The following RANBP17 variants were observed in gnomAD, a reference collection of about 807,000 sequenced individuals.
RANBP17 encodes the protein RAN binding protein 17.
A neutral mutation model predicts 141.2 loss-of-function variants in RANBP17; 158 were observed. The ratio of observed to expected loss-of-function variants is 1.12; its 90% CI spans 0.98 to 1.28. The LOEUF is 1.28. Ranked by LOEUF, RANBP17 falls within the 50% of genes most tolerant of loss-of-function variation. The probability of loss-of-function intolerance (pLI) is 0.00; values close to 1 mark genes in which losing one functional copy is unlikely to be tolerated. For synonymous variants in RANBP17, 430 were observed against 450.0 expected (o/e 0.96, Z 0.56); for missense variants, 1,438 against 1,290.7 (o/e 1.11, Z -1.75).
intron 24 of RANBP17, among the ~76,000 whole-genome samples, chr5:171,248,033 G>T (rs189900610): frequency 6.6e-6 from 1 of 152,084 alleles, no homozygotes; most frequent in African/African-American, 2.4e-5. Flanking sequence ...CTTATACCTC[G>T]AATAGAACAT....
At chr5:171,171,167 A>G (rs1177216678) in intron 15 of RANBP17, 39 bp from the exon 16 acceptor site, 1 of 1,123,862 alleles carries the variant, frequency 8.9e-7, no homozygotes, top group African/African-American at 1.6e-5. Flanking sequence ...AGACAAGCAA[A>G]TATCTTACTT....
rs567911162 is a variant in RANBP17, at chr5:171,098,668, T to G, written c.1711-71462T>G. Reference sequence around the variant, plus strand: ...TAAATCCCATTTGTCAATTTTGGCTTTTGTTGCAATTGCTTTTGGTGTTTT... The same window carrying G: ...TAAATCCCATTTGTCAATTTTGGCTGTTGTTGCAATTGCTTTTGGTGTTTT... On this transcript the variant is annotated intron_variant, in intron 14 of 27. Transcript: ENST00000523189. 3.0e-4 allele frequency among the ~76,000 whole-genome samples: 45 copies of G among 152,276 alleles called. 1 individual carries two copies. Among genetic ancestry groups the G allele is most frequent in the African/African-American group, 1.1e-3 (45 of 41,558 alleles).
At chr5:171,213,067 G>A (rs1471025825) in intron 20 of RANBP17, among the ~76,000 whole-genome samples, 2 of 152,048 alleles carry the variant, frequency 1.3e-5, no homozygotes, top group African/African-American at 4.8e-5. Flanking sequence ...GATATTCCTT[G>A]GAGCTACAGT....
At chr5:171,153,561 T>C (rs1022214412) in intron 14 of RANBP17, among the ~76,000 whole-genome samples, 2 of 152,102 alleles carry the variant, frequency 1.3e-5, no homozygotes, top group Non-Finnish European at 2.9e-5. Flanking sequence ...ACTGGGAACA[T>C]ATTGGAAGAT....
At chr5:171,228,459 G>A (rs980845860) in intron 22 of RANBP17, among the ~76,000 whole-genome samples, 2 of 152,190 alleles carry the variant, frequency 1.3e-5, no homozygotes, top group African/African-American at 4.8e-5. Context: ...TCTTCTGGAT[G>A]ACCAAAGAAA....
intron 11 of RANBP17, among the ~76,000 whole-genome samples, chr5:170,919,864 T>C (rs79019584): frequency 0.03 from 4,592 of 151,824 alleles, 227 homozygotes; most frequent in African/African-American, 0.1. Context: ...ATCTGTTTTG[T>C]GTACCTGTAA....
intron 12 of RANBP17, among the ~76,000 whole-genome samples, chr5:170,950,266 C>T (rs755238828): frequency 6.6e-6 from 1 of 151,912 alleles, no homozygotes; most frequent in Non-Finnish European, 1.5e-5. Context: ...AAAGCCCCTT[C>T]ACAGCAAAGG....
intron 1 of RANBP17, among the ~76,000 whole-genome samples, chr5:170,869,139 G>A (rs899914881): frequency 5.9e-5 from 9 of 151,966 alleles, no homozygotes; most frequent in Non-Finnish European, 2.9e-5. Context: ...AGAGTGATTG[G>A]TAACATTGTT....
In RANBP17 at chr5:171,032,390, A is replaced by G. The variant is rs1781602000; in HGVS notation, c.1710+64013A>G. The stretch of plus-strand genomic sequence containing the variant: ...TAGTTTTCATTACAGTTTGGAATAA[A>G]GAGGACAGGGAGTAATTGATTGCTT... On this transcript the variant is annotated intron_variant, in intron 14 of 27. Coordinates refer to ENST00000523189, the MANE Select transcript of RANBP17 (RefSeq NM_022897.5). 2.0e-5 allele frequency among the ~76,000 whole-genome samples: 3 copies of G among 152,178 alleles called. No homozygotes were observed. The South Asian group carries it at 6.2e-4, about 32-fold the overall frequency.
chr5:171,180,825 G>A (rs956352090), intron 16 of RANBP17, among the ~76,000 whole-genome samples: 3 of 152,156 alleles, frequency 2.0e-5, no homozygotes, highest in Non-Finnish European at 4.4e-5. Context: ...TGCAGAAAAT[G>A]TGTCTTTGAC....
intron 14 of RANBP17, among the ~76,000 whole-genome samples, chr5:171,016,431 T>C (rs967627902): frequency 6.6e-6 from 1 of 152,106 alleles, no homozygotes; most frequent in African/African-American, 2.4e-5. Flanking sequence ...TGCTGACTTC[T>C]CTTTAGACCA....
chr5:171,174,118 G>A (rs2127892808), intron 16 of RANBP17, among the ~76,000 whole-genome samples: 1 of 152,246 alleles, frequency 6.6e-6, no homozygotes, highest in Non-Finnish European at 1.5e-5. Flanking sequence ...TTAAAATCCA[G>A]TGACCTTTTT....
chr5:171,193,238 A>C (rs1298442107), intron 18 of RANBP17, among the ~76,000 whole-genome samples: 1 of 152,226 alleles, frequency 6.6e-6, no homozygotes, highest in East Asian at 1.9e-4. Flanking sequence ...AAAACATTCT[A>C]ATTGCATCCT....
At chr5:170,862,101 G>T in intron 1 of RANBP17, 50 bp downstream of exon 1, 1 of 1,428,322 alleles carries the variant, frequency 7.0e-7, no homozygotes, top group Non-Finnish European at 9.1e-7. Context: ...CTGGGAACCC[G>T]GCGGGACGCG....
intron 14 of RANBP17, among the ~76,000 whole-genome samples, chr5:171,154,980 A>G (rs1262051361): frequency 6.6e-6 from 1 of 151,114 alleles, no homozygotes; most frequent in Admixed American, 6.6e-5. Flanking sequence ...CGGGAGGCTG[A>G]GACAGGAGAA....
At chr5:171,045,169 T>C (rs1782494963) in intron 14 of RANBP17, among the ~76,000 whole-genome samples, 1 of 152,114 alleles carries the variant, frequency 6.6e-6, no homozygotes, top group Non-Finnish European at 1.5e-5. Flanking sequence ...GTAATGCTTA[T>C]ATTGTTCTCT....
intron 20 of RANBP17, among the ~76,000 whole-genome samples, chr5:171,211,019 A>G (rs981979937): frequency 6.7e-6 from 1 of 150,086 alleles, no homozygotes; most frequent in African/African-American, 2.5e-5. Flanking sequence ...AAAAAAAAAA[A>G]GGCTATACCT....
intron 24 of RANBP17, chr5:171,251,935 G>C: frequency 6.2e-7 from 1 of 1,606,626 alleles, no homozygotes; most frequent in Non-Finnish European, 8.5e-7. Context: ...TTTTGGATTA[G>C]TCAGTTTTGG....
At chr5:170,864,691 T>A (rs1218545642) in intron 1 of RANBP17, among the ~76,000 whole-genome samples, 1 of 152,112 alleles carries the variant, frequency 6.6e-6, no homozygotes, top group Non-Finnish European at 1.5e-5. Flanking sequence ...TAGGAAAAAT[T>A]TAAGGGACTC....
Sources: gnomAD v4.1 joint callset for allele counts (sites outside exome capture counted in the v4.1 genomes callset) on GRCh38, gnomAD v4.1.1 for gene constraint, MANE v1.5 for transcripts, NCBI Gene and HGNC (gene_info 2026-07-23, HGNC 2026-07-21) for gene names.